The following RNF185 variants were observed in gnomAD, a reference collection of about 807,000 sequenced individuals.
The protein encoded by RNF185 is E3 ubiquitin-protein ligase RNF185.
RNF185 carries 13 observed loss-of-function variants against 24.9 expected under a neutral mutation model. That is an observed-to-expected ratio of 0.52 (90% CI 0.34 to 0.83). The LOEUF (loss-of-function observed/expected upper bound fraction) is 0.83, where lower values mean the gene tolerates loss of function less well. RNF185 is among the 40% of genes least tolerant of loss of function. The pLI is 0.01. For missense variants in RNF185, 184 were observed against 244.7 expected, an observed-to-expected ratio of 0.75 and a Z score of 1.65; for synonymous variants, 79 against 90.3, an observed-to-expected ratio of 0.88 and a Z score of 0.71.
rs150657887 is a variant in RNF185, at chr22:31,160,727, G to A, written c.-49+424G>A. On this transcript the variant is annotated intron_variant, in intron 1 of 6. Transcript: ENST00000326132. Reference sequence around the variant, plus strand: ...CTTCGCCACCGACAGACAATTGTGCGTTCTGGGCCAAATCTCTTCCCTGTG... The same window carrying A: ...CTTCGCCACCGACAGACAATTGTGCATTCTGGGCCAAATCTCTTCCCTGTG... 4.6e-5 allele frequency among the ~76,000 whole-genome samples: 7 copies of A among 152,298 alleles called. No individual in the cohort carries two copies. In the East Asian group the frequency reaches 1.3e-3, roughly 29 times the overall value.
chr22:31,186,126 C>T (rs760509735), intron 1 of RNF185, among the ~76,000 whole-genome samples: 3 of 152,032 alleles, frequency 2.0e-5, no homozygotes, highest in Non-Finnish European at 4.4e-5. Flanking sequence ...GTGACATAAA[C>T]CTCTTCTTTA....
chr22:31,196,525 A>T (rs1267606886), intron 4 of RNF185, among the ~76,000 whole-genome samples: 1 of 152,210 alleles, frequency 6.6e-6, no homozygotes, highest in African/African-American at 2.4e-5. Flanking sequence ...GCTGAAGTTA[A>T]TAGGGGAAGG....
At chr22:31,196,152 C>G (rs1033549004) in intron 4 of RNF185, among the ~76,000 whole-genome samples, 1 of 152,160 alleles carries the variant, frequency 6.6e-6, no homozygotes, top group Admixed American at 6.6e-5. Context: ...TGTATTTGCT[C>G]TCTCTTCTGC....
rs1043769691 is a variant in RNF185, at chr22:31,187,184, C to T, written c.90C>T (p.Ser30=). 5.0e-6 allele frequency: 8 copies of T among 1,613,702 alleles called. No individual in the cohort carries two copies. Among genetic ancestry groups the T allele is most frequent in the Non-Finnish European group, 6.8e-6 (8 of 1,179,862 alleles). ...GGAGCAGCAATGGCGCTGGCGAGAGCGGAGGGCAGGACAGCACTTTCGAGT... is the reference window on the plus strand; with the variant it reads ...GGAGCAGCAATGGCGCTGGCGAGAGTGGAGGGCAGGACAGCACTTTCGAGT... ...PSGSSNGAGE[S]GGQDSTFECN... Residue 30 remains serine, a synonymous_variant, in exon 2 of 7, where the codon AGC becomes AGT. Coordinates refer to ENST00000326132, the MANE Select transcript of RNF185 (RefSeq NM_152267.4).
chr22:31,191,781 G>C (rs1226723268), intron 2 of RNF185, among the ~76,000 whole-genome samples: 1 of 146,904 alleles, frequency 6.8e-6, no homozygotes. Flanking sequence ...GCAGTGAGCT[G>C]AGTGAGCTGC....
chr22:31,188,822 A>AAT (rs936089782), intron 2 of RNF185, among the ~76,000 whole-genome samples: 1 of 151,046 alleles, frequency 6.6e-6, no homozygotes, highest in Non-Finnish European at 1.5e-5. Flanking sequence ...GTCTCTTAAA[A>AAT]ATATATATAT....
intron 5 of RNF185, among the ~76,000 whole-genome samples, chr22:31,198,631 TC>T (rs2048230503): frequency 6.8e-6 from 1 of 147,712 alleles, no homozygotes; most frequent in Non-Finnish European, 1.5e-5. Context: ...ACTCCCAAGC[TC>T]AGATGATCCG....
At chr22:31,195,710 A>C (rs984992369) in intron 4 of RNF185, 129 bp downstream of exon 4, 1 of 645,660 alleles carries the variant, frequency 1.5e-6, no homozygotes, top group Non-Finnish European at 2.7e-6. Flanking sequence ...AGTCTCATCC[A>C]GATGAGAGTC....
Position 31,174,562 on chromosome 22 carries a change from G to C in RNF185, c.-48-12485G>C, listed in dbSNP as rs554606136. Among the ~76,000 whole-genome samples, 430 of 152,032 alleles carry C rather than the reference G, an allele frequency of 2.8e-3. 1 individual carries two copies. The highest frequency in any genetic ancestry group is 5.1e-3 in the Non-Finnish European group (348 of 67,978). On this transcript the variant is annotated intron_variant, in intron 1 of 6. Coordinates refer to ENST00000326132, the MANE Select transcript of RNF185 (RefSeq NM_152267.4). The stretch of plus-strand genomic sequence containing the variant: ...ACCTGGCTAATTTTAAATTTTTTTG[G>C]TGATGGAGTCTCACTATATTGTTCA...
chr22:31,170,202 T>A (rs927170006), intron 1 of RNF185, among the ~76,000 whole-genome samples: 6 of 152,148 alleles, frequency 3.9e-5, no homozygotes, highest in Non-Finnish European at 5.9e-5. Context: ...TTTGTTTGTT[T>A]GTTTGAGACA....
intron 6 of RNF185, among the ~76,000 whole-genome samples, chr22:31,202,062 A>G (rs2048268382): frequency 6.6e-6 from 1 of 152,256 alleles, no homozygotes; most frequent in Non-Finnish European, 1.5e-5. Flanking sequence ...GAGTGAAGGC[A>G]TCTCCATTCT....
At chr22:31,193,548 C>T (rs1012552998) in intron 3 of RNF185, among the ~76,000 whole-genome samples, 37 of 152,172 alleles carry the variant, frequency 2.4e-4, no homozygotes, top group African/African-American at 8.4e-4. Flanking sequence ...AATTCCAGCA[C>T]GTAGGGAGGC....
intron 1 of RNF185, 51 bp from the exon 2 acceptor site, chr22:31,186,996 T>TG (rs34089129): frequency 4.7e-6 from 6 of 1,265,728 alleles, no homozygotes; most frequent in African/African-American, 1.5e-5. Context: ...GCATGGAAGC[T>TG]GGGGGGAGAG....
intron 3 of RNF185, among the ~76,000 whole-genome samples, chr22:31,195,081 T>C (rs941464688): frequency 4.6e-5 from 7 of 151,912 alleles, no homozygotes; most frequent in Non-Finnish European, 1.0e-4. Flanking sequence ...GCCTCCCGAG[T>C]AGCTGGAACT....
At chr22:31,201,183 A>G (rs147773164) in intron 5 of RNF185, among the ~76,000 whole-genome samples, 6 of 152,354 alleles carry the variant, frequency 3.9e-5, no homozygotes, top group Non-Finnish European at 4.4e-5. Context: ...GACTATGGAA[A>G]ATATCCTCAA....
chr22:31,183,820 C>G (rs2048064672), intron 1 of RNF185, among the ~76,000 whole-genome samples: 1 of 152,318 alleles, frequency 6.6e-6, no homozygotes, highest in African/African-American at 2.4e-5. Context: ...ATCTCTCTTT[C>G]TTTTCCCCAC....
intron 1 of RNF185, among the ~76,000 whole-genome samples, chr22:31,174,163 G>A (rs1275232776): frequency 6.6e-6 from 1 of 152,152 alleles, no homozygotes; most frequent in African/African-American, 2.4e-5. Flanking sequence ...TTTAGCAAAT[G>A]AGAAAAACAA....
At position 31,178,177 on chromosome 22, in the gene RNF185, C is replaced by G. The variant is rs961611487; in HGVS notation, c.-48-8870C>G. 5.9e-5 allele frequency among the ~76,000 whole-genome samples: 9 copies of G among 152,146 alleles called. No homozygotes were observed. In the South Asian group the frequency reaches 1.0e-3, roughly 17 times the overall value. On this transcript the variant is annotated intron_variant, in intron 1 of 6. Coordinates refer to ENST00000326132, the MANE Select transcript of RNF185 (RefSeq NM_152267.4). Reference sequence around the variant, plus strand: ...ACTGTTTTTTAAAACTAGGTGTGAACTTATTTCTTAAAATGATCAGCTGTG... The same window carrying G: ...ACTGTTTTTTAAAACTAGGTGTGAAGTTATTTCTTAAAATGATCAGCTGTG...
At chr22:31,161,725 G>A (rs1923585999) in intron 1 of RNF185, among the ~76,000 whole-genome samples, 2 of 152,138 alleles carry the variant, frequency 1.3e-5, no homozygotes. Flanking sequence ...CTCTTCCCTG[G>A]AACATAATCC....
Sources: allele counts gnomAD v4.1 joint callset (sites outside exome capture counted in the v4.1 genomes callset), GRCh38; gene constraint gnomAD v4.1.1; transcripts MANE v1.5; gene names NCBI Gene and HGNC (gene_info 2026-07-23, HGNC 2026-07-21).